The following STXBP6 variants were observed in gnomAD, a reference collection of about 807,000 sequenced individuals.
STXBP6 encodes syntaxin-binding protein 6.
Under a neutral mutation model 26.9 loss-of-function variants are expected in STXBP6, and 21 were observed. The ratio of observed to expected loss-of-function variants is 0.78; its 90% confidence interval spans 0.55 to 1.12. The LOEUF is 1.12. Among genes scored for constraint, STXBP6 ranks in the 50% most tolerant of loss-of-function variants. STXBP6 has a pLI of 0.00. For missense variants in STXBP6, 232 were observed against 257.9 expected (o/e 0.90, Z 0.69); for synonymous variants, 97 against 92.6 (o/e 1.05, Z -0.27).
chr14:25,025,993 C>G (rs530754864), intron 1 of STXBP6, among the ~76,000 whole-genome samples: 1 of 152,306 alleles, frequency 6.6e-6, no homozygotes. Flanking sequence ...GCTCCCTGAT[C>G]ACATTGTCTT....
intron 1 of STXBP6, among the ~76,000 whole-genome samples, chr14:24,997,850 T>A (rs1449885665): frequency 6.6e-6 from 1 of 152,142 alleles, no homozygotes; most frequent in Non-Finnish European, 1.5e-5. Flanking sequence ...CCTGAAAAAA[T>A]TATATATATT....
intron 2 of STXBP6, among the ~76,000 whole-genome samples, chr14:24,915,507 CATTAGGTA>C (rs2071734940): frequency 6.6e-6 from 1 of 152,128 alleles, no homozygotes; most frequent in Non-Finnish European, 1.5e-5. Context: ...AAAAATAATA[CATTAGGTA>C]AATCATTTGG....
At chr14:25,033,373 G>T (rs888264044) in intron 1 of STXBP6, among the ~76,000 whole-genome samples, 2 of 152,024 alleles carry the variant, frequency 1.3e-5, no homozygotes, top group African/African-American at 4.8e-5. Flanking sequence ...TTCTAAACTG[G>T]TCCACCGTAT....
intron 2 of STXBP6, among the ~76,000 whole-genome samples, chr14:24,908,516 C>T (rs74040710): frequency 0.015 from 2,340 of 152,282 alleles, 53 homozygotes; most frequent in African/African-American, 0.046. Context: ...AGGGTCTGGG[C>T]CCACTACCCC....
intron 1 of STXBP6, among the ~76,000 whole-genome samples, chr14:25,010,334 T>C (rs867657451): frequency 6.6e-6 from 1 of 152,234 alleles, no homozygotes. Context: ...GCAATTAAAA[T>C]GCGTTCCAAT....
At chr14:25,038,103 CAT>C (rs199911464) in intron 1 of STXBP6, among the ~76,000 whole-genome samples, 3,072 of 152,094 alleles carry the variant, frequency 0.02, 298 homozygotes, top group Admixed American at 0.16. Flanking sequence ...ACAACTGAAA[CAT>C]AAACAAGAGG....
At chr14:24,885,917 G>C (rs898480490) in intron 2 of STXBP6, among the ~76,000 whole-genome samples, 3 of 152,166 alleles carry the variant, frequency 2.0e-5, no homozygotes, top group Admixed American at 2.0e-4. Flanking sequence ...TTGAGTCCCA[G>C]AAAATAAATC....
intron 2 of STXBP6, among the ~76,000 whole-genome samples, chr14:24,883,323 T>C (rs1293862152): frequency 6.6e-6 from 1 of 152,196 alleles, no homozygotes; most frequent in Non-Finnish European, 1.5e-5. Context: ...TAAAGGAACA[T>C]TTGTAACAAT....
At chr14:24,817,828 C>T in intron 5 of STXBP6, 4 of 330,012 alleles carry the variant, frequency 1.2e-5, no homozygotes, top group South Asian at 4.9e-5. Flanking sequence ...TGAAGGAACT[C>T]GAAATGGGCC....
chr14:24,931,243 G>C (rs1174525467), intron 2 of STXBP6, among the ~76,000 whole-genome samples: 1 of 141,038 alleles, frequency 7.1e-6, no homozygotes, highest in East Asian at 2.3e-4. Context: ...TCGTGAGGTG[G>C]GGGGAGGGGG....
chr14:25,044,679 G>T (rs1001556224), intron 1 of STXBP6, among the ~76,000 whole-genome samples: 1 of 152,218 alleles, frequency 6.6e-6, no homozygotes, highest in Non-Finnish European at 1.5e-5. Context: ...GCAGTGGCAC[G>T]ATCAGGGCTC....
intron 4 of STXBP6, among the ~76,000 whole-genome samples, chr14:24,842,990 G>C (rs1031319380): frequency 3.3e-5 from 5 of 152,136 alleles, no homozygotes; most frequent in African/African-American, 9.7e-5. Flanking sequence ...GAATTATTTT[G>C]TTAATGACCA....
intron 1 of STXBP6, among the ~76,000 whole-genome samples, chr14:24,992,344 T>C (rs1238433511): frequency 1.3e-5 from 2 of 151,804 alleles, no homozygotes; most frequent in African/African-American, 4.8e-5. Context: ...CCATGACCAA[T>C]GCTGCAAAGG....
At position 24,951,545 on chromosome 14, in the gene STXBP6, C is replaced by T. The variant is rs547126479; in HGVS notation, c.154+23120G>A. The stretch of plus-strand genomic sequence containing the variant: ...CTTTTGAGAAATGTCTGTTCATGTC[C>T]TTTGCCCACTTTTTGATGGGGTTGA... On this transcript the variant is annotated intron_variant, in intron 2 of 5. Transcript: ENST00000323944. 4.6e-4 allele frequency among the ~76,000 whole-genome samples: 70 copies of T among 152,270 alleles called. 1 individual carries two copies. The South Asian group carries it at 0.014, about 30-fold the overall frequency.
intron 4 of STXBP6, among the ~76,000 whole-genome samples, chr14:24,841,208 T>C (rs1250643313): frequency 1.3e-5 from 2 of 152,192 alleles, no homozygotes; most frequent in South Asian, 2.1e-4. Context: ...CTTACATCTA[T>C]ATTACAGTCT....
chr14:25,005,799 G>GA (rs1275591521), intron 1 of STXBP6, among the ~76,000 whole-genome samples: 3 of 143,724 alleles, frequency 2.1e-5, no homozygotes, highest in Non-Finnish European at 3.0e-5. Flanking sequence ...AAATAGTAGG[G>GA]AAAAAACTAA....
At chr14:24,946,772 A>C (rs887338395) in intron 2 of STXBP6, among the ~76,000 whole-genome samples, 11 of 152,214 alleles carry the variant, frequency 7.2e-5, no homozygotes, top group African/African-American at 2.4e-4. Flanking sequence ...GGCGACACAA[A>C]AGCATTGTTG....
chr14:24,827,053 T>G (rs1291449582), intron 4 of STXBP6, among the ~76,000 whole-genome samples: 2 of 151,968 alleles, frequency 1.3e-5, no homozygotes, highest in Admixed American at 6.6e-5. Flanking sequence ...ATACAAAAAC[T>G]AGCTGGGCTT....
At chr14:24,851,902 T>C (rs1367156240) in intron 4 of STXBP6, among the ~76,000 whole-genome samples, 1 of 152,148 alleles carries the variant, frequency 6.6e-6, no homozygotes, top group African/African-American at 2.4e-5. Flanking sequence ...TTGGTCCAGA[T>C]ACAGCTGTGA....
Sources: allele counts gnomAD v4.1 joint callset (sites outside exome capture counted in the v4.1 genomes callset), GRCh38; gene constraint gnomAD v4.1.1; transcripts MANE v1.5; gene names NCBI Gene and HGNC (gene_info 2026-07-23, HGNC 2026-07-21).